Variants in MAP3K13 observed in about 807,000 individuals in gnomAD.
MAP3K13 encodes mitogen-activated protein kinase kinase kinase 13.
A neutral mutation model predicts 104.0 loss-of-function variants in MAP3K13; 52 were observed. The observed-to-expected ratio is 0.50, with a 90% CI of 0.40 to 0.63. The LOEUF (loss-of-function observed/expected upper bound fraction) is 0.63, where lower values mean the gene tolerates loss of function less well. Among genes scored for constraint, MAP3K13 ranks in the 20% least tolerant of loss-of-function variants. The pLI, the probability that MAP3K13 is intolerant of heterozygous loss-of-function variation, is 0.00. For synonymous variants in MAP3K13, 394 were observed against 442.2 expected (o/e 0.89, Z 1.37); for missense variants, 914 against 1,218.5 (o/e 0.75, Z 3.72).
chr3:185,353,941 T>C (rs1723242009), intron 2 of MAP3K13, among the ~76,000 whole-genome samples: 1 of 152,098 alleles, frequency 6.6e-6, no homozygotes, highest in South Asian at 2.1e-4. Context: ...AAGAAAGACT[T>C]AATTCAAGCT....
At chr3:185,285,878 A>G (rs1489352346) in intron 2 of MAP3K13, among the ~76,000 whole-genome samples, 1 of 152,176 alleles carries the variant, frequency 6.6e-6, no homozygotes, top group Non-Finnish European at 1.5e-5. Context: ...CTGGAAGGCT[A>G]CTGCTCTGCT....
At chr3:185,425,748 C>T (rs1205322518) in intron 1 of MAP3K13, among the ~76,000 whole-genome samples, 1 of 152,198 alleles carries the variant, frequency 6.6e-6, no homozygotes, top group Non-Finnish European at 1.5e-5. Flanking sequence ...CCCCATACTA[C>T]CTGGAATGCC....
intron 1 of MAP3K13, among the ~76,000 whole-genome samples, chr3:185,389,652 G>A (rs748739062): frequency 1.5e-4 from 23 of 151,174 alleles, no homozygotes; most frequent in Non-Finnish European, 2.8e-4. Context: ...CACATACGCC[G>A]TATTTTAGTC....
At chr3:185,294,621 C>T (rs904743765) in intron 2 of MAP3K13, among the ~76,000 whole-genome samples, 2 of 152,104 alleles carry the variant, frequency 1.3e-5, no homozygotes, top group Admixed American at 6.6e-5. Context: ...TTGTATAAAT[C>T]GAGGCTGTTA....
At position 185,484,230 on chromosome 3, in the gene MAP3K13, T is replaced by G. The variant is rs1004687218; in HGVS notation, c.*1774T>G. 1.3e-5 allele frequency: 2 copies of G among 152,220 alleles called. No individual in the cohort carries two copies. Among genetic ancestry groups the G allele is most frequent in the African/African-American group, 4.8e-5 (2 of 41,462 alleles). The allele number at this position is 152,220 out of a possible 1,614,324, so 9.4% of individuals were successfully genotyped here. On this transcript the variant is annotated 3_prime_UTR_variant, in exon 14 of 14. Coordinates refer to ENST00000265026, the MANE Select transcript of MAP3K13 (RefSeq NM_004721.5). Reference sequence around the variant, plus strand: ...GCTGAGCAGGGATAGGAAGGATTTTTACATTGCCAAAAGCATGAGGTCCTG... The same window carrying G: ...GCTGAGCAGGGATAGGAAGGATTTTGACATTGCCAAAAGCATGAGGTCCTG...
chr3:185,358,666 T>C (rs1382952500), upstream of MAP3K13, among the ~76,000 whole-genome samples: 1 of 152,166 alleles, frequency 6.6e-6, no homozygotes, highest in African/African-American at 2.4e-5. Context: ...AATAATCTGC[T>C]GAGGTCTTTG....
intron 2 of MAP3K13, among the ~76,000 whole-genome samples, chr3:185,354,612 G>GA (rs1560061894): frequency 1.3e-5 from 2 of 151,554 alleles, no homozygotes; most frequent in East Asian, 2.0e-4. Context: ...TAAGTATGGG[G>GA]GGGGGGCAGG....
chr3:185,426,121 C>T (rs1379889955), intron 1 of MAP3K13, among the ~76,000 whole-genome samples: 2 of 152,142 alleles, frequency 1.3e-5, no homozygotes, highest in Admixed American at 6.5e-5. Flanking sequence ...CACGCTGTCG[C>T]CCAGGCTAGA....
At chr3:185,295,968 T>G (rs950533917) in intron 2 of MAP3K13, among the ~76,000 whole-genome samples, 15 of 152,156 alleles carry the variant, frequency 9.9e-5, no homozygotes, top group Non-Finnish European at 1.0e-4. Context: ...CTTGACTGAC[T>G]GCAGTGCTCA....
intron 1 of MAP3K13, among the ~76,000 whole-genome samples, chr3:185,427,817 G>A (rs1318979250): frequency 6.6e-6 from 1 of 152,116 alleles, no homozygotes; most frequent in East Asian, 1.9e-4. Context: ...GGTGGCTCAC[G>A]CCTGTAATCC....
intron 2 of MAP3K13, among the ~76,000 whole-genome samples, chr3:185,297,372 T>C (rs987863366): frequency 6.6e-6 from 1 of 152,174 alleles, no homozygotes; most frequent in African/African-American, 2.4e-5. Context: ...CCTCCTCTAA[T>C]CATGAGGTAG....
At chr3:185,338,873 A>G (rs1305772368) in intron 2 of MAP3K13, among the ~76,000 whole-genome samples, 1 of 152,174 alleles carries the variant, frequency 6.6e-6, no homozygotes, top group Non-Finnish European at 1.5e-5. Context: ...AAAGAATGAG[A>G]TTCTGGCCTG....
chr3:185,430,143 C>T (rs961706849), intron 2 of MAP3K13, among the ~76,000 whole-genome samples: 2 of 151,992 alleles, frequency 1.3e-5, no homozygotes, highest in Non-Finnish European at 2.9e-5. Context: ...CTGCAGAGAG[C>T]CAAGATCGTG....
chr3:185,428,333 C>G (rs1714545737), intron 1 of MAP3K13, among the ~76,000 whole-genome samples, 164 bp from the exon 2 acceptor site: 1 of 151,970 alleles, frequency 6.6e-6, no homozygotes, highest in African/African-American at 2.4e-5. Context: ...CATAAATACT[C>G]TTCCACAGCA....
intron 2 of MAP3K13, among the ~76,000 whole-genome samples, chr3:185,337,065 T>A (rs962930192): frequency 2.6e-5 from 4 of 152,118 alleles, no homozygotes; most frequent in Admixed American, 1.3e-4. Flanking sequence ...AAATCTTTTT[T>A]AAAAAAAATT....
At chr3:185,428,352 CA>C (rs1362964043) in intron 1 of MAP3K13, 144 bp from the exon 2 acceptor site, 5 of 420,380 alleles carry the variant, frequency 1.2e-5, no homozygotes, top group African/African-American at 9.9e-5. Context: ...CATAATTTTT[CA>C]TTGCTGCACT....
At chr3:185,285,026 A>G (rs1720459684) in intron 1 of MAP3K13, among the ~76,000 whole-genome samples, 1 of 151,620 alleles carries the variant, frequency 6.6e-6, no homozygotes, top group Non-Finnish European at 1.5e-5. Flanking sequence ...AATTTATGTC[A>G]TACGGGTGTG....
intron 1 of MAP3K13, among the ~76,000 whole-genome samples, chr3:185,372,036 A>G (rs1290974589): frequency 6.6e-6 from 1 of 152,228 alleles, no homozygotes; most frequent in Non-Finnish European, 1.5e-5. Context: ...AGGGAAAATA[A>G]TCTCTTGATT....
intron 2 of MAP3K13, among the ~76,000 whole-genome samples, chr3:185,304,480 A>G (rs1336328360): frequency 6.6e-6 from 1 of 152,080 alleles, no homozygotes; most frequent in Non-Finnish European, 1.5e-5. Context: ...TTTCCTTTAT[A>G]TATTTGGGTG....
Sources: allele counts gnomAD v4.1 joint callset (sites outside exome capture counted in the v4.1 genomes callset), GRCh38; gene constraint gnomAD v4.1.1; transcripts MANE v1.5; gene names NCBI Gene and HGNC (gene_info 2026-07-23, HGNC 2026-07-21).